KCTD2: variants seen among roughly 807,000 people sequenced by gnomAD.
KCTD2 encodes potassium channel tetramerization domain containing 2.
Under a neutral mutation model 27.9 loss-of-function variants are expected in KCTD2, and 18 were observed. The observed-to-expected ratio is 0.64, with a 90% CI of 0.45 to 0.96. KCTD2 has a LOEUF of 0.96. KCTD2 is among the 40% of genes least tolerant of loss of function. The pLI, the probability that KCTD2 is intolerant of heterozygous loss-of-function variation, is 0.00. For missense variants in KCTD2, 280 were observed against 348.0 expected (o/e 0.80, Z 1.56); for synonymous variants, 175 against 148.4 (o/e 1.18, Z -1.30).
chr17:75,047,233 TGGCGGC>T lies in KCTD2; in HGVS notation c.-12_-7del, dbSNP rs1219218189. On this transcript the variant is annotated 5_prime_UTR_variant, in exon 1 of 6. Transcript: ENST00000322444. ...CCCGGCTGCGCGCGGGCAGCAGCGG[TGGCGGC>T]GGCGGTCCAAGATGGCGGAACTGCA... 3.0e-6 allele frequency: 2 copies of T among 662,148 alleles called. No individual in the cohort carries two copies. Among genetic ancestry groups the T allele is most frequent in the African/African-American group, 4.0e-5 (2 of 49,836 alleles). The allele number at this position is 662,148 out of a possible 1,614,324, so 41.0% of individuals were successfully genotyped here.
In KCTD2 at chr17:75,063,648, T is replaced by G. The variant is rs567587449; in HGVS notation, c.*601T>G. 1 of 153,056 alleles carries G rather than the reference T, an allele frequency of 6.5e-6. No homozygotes were observed. The highest frequency in any genetic ancestry group is 2.1e-4 in the South Asian group (1 of 4,850). 9.5% of individuals were successfully genotyped at this position (153,056 alleles called of 1,614,324 possible). The stretch of plus-strand genomic sequence containing the variant: ...CAAGGAAAGGGAGGATGGGGTGTCC[T>G]TTGTTGTGGTTGGAGGTTGGTGATC... On this transcript the variant is annotated 3_prime_UTR_variant, in exon 6 of 6. Coordinates refer to ENST00000322444, the MANE Select transcript of KCTD2 (RefSeq NM_015353.3).
At chr17:75,039,072 A>AG (rs1478763372) in intron 3 of KCTD2, 1 of 1,613,758 alleles carries the variant, frequency 6.2e-7, no homozygotes. Flanking sequence ...ATCTGGAAAG[A>AG]GGGGGAATGT....
intron 3 of KCTD2, chr17:75,040,253 G>C: frequency 6.7e-7 from 1 of 1,503,090 alleles, no homozygotes; most frequent in Non-Finnish European, 9.2e-7. Flanking sequence ...GGAGCTCAAA[G>C]GGCTGGAAGC....
At chr17:75,036,795 G>A (rs550798208) in intron 3 of KCTD2, among the ~76,000 whole-genome samples, 1 of 152,230 alleles carries the variant, frequency 6.6e-6, no homozygotes, top group Admixed American at 6.5e-5. Context: ...AGTCTCGCAG[G>A]GGAAGGGTGT....
intron 3 of KCTD2, among the ~76,000 whole-genome samples, chr17:75,057,274 T>C (rs2073359605): frequency 6.6e-6 from 1 of 151,738 alleles, no homozygotes; most frequent in Non-Finnish European, 1.5e-5. Flanking sequence ...TAGAATAGTA[T>C]TTTTTGTAGG....
intron 4 of KCTD2, among the ~76,000 whole-genome samples, chr17:75,061,879 A>C (rs967577975): frequency 6.6e-6 from 1 of 151,810 alleles, no homozygotes; most frequent in Non-Finnish European, 1.5e-5. Context: ...GGGACTTCAG[A>C]GCTTGGGTGA....
rs183833894 is a variant in KCTD2 at position 75,061,127 on chromosome 17, C to T, written c.637-993C>T. ...TTAATTTCTCATCTTATTACTGTCC[C>T]GTGGGAAGACGGAGGGTGTTCCTAT... On this transcript the variant is annotated intron_variant, in intron 4 of 5. Coordinates refer to ENST00000322444, the MANE Select transcript of KCTD2 (RefSeq NM_015353.3). 2.4e-3 allele frequency among the ~76,000 whole-genome samples: 363 copies of T among 152,260 alleles called. 1 individual carries two copies. Among genetic ancestry groups the T allele is most frequent in the African/African-American group, 8.4e-3 (348 of 41,536 alleles).
At chr17:75,038,240 C>G (rs1317499141) in intron 3 of KCTD2, among the ~76,000 whole-genome samples, 1 of 151,758 alleles carries the variant, frequency 6.6e-6, no homozygotes, top group Non-Finnish European at 1.5e-5. Flanking sequence ...CAAGCTGAGG[C>G]CAAGATGCCT....
At chr17:75,059,667 C>G in intron 4 of KCTD2, 62 bp downstream of exon 4, 1 of 1,320,666 alleles carries the variant, frequency 7.6e-7, no homozygotes, top group Non-Finnish European at 1.1e-6. Flanking sequence ...GCTCTTCAAA[C>G]AATCAGTGTG....
intron 5 of KCTD2, 90 bp from the exon 6 acceptor site, chr17:75,062,926 CAT>C: frequency 7.4e-7 from 1 of 1,343,932 alleles, no homozygotes; most frequent in Non-Finnish European, 1.1e-6. Flanking sequence ...ACAGGACCAT[CAT>C]GCCACTCATC....
upstream of KCTD2, among the ~76,000 whole-genome samples, chr17:75,046,295 G>T (rs527328108): frequency 6.6e-6 from 1 of 152,174 alleles, no homozygotes; most frequent in Non-Finnish European, 1.5e-5. Flanking sequence ...CGTTGGCCAG[G>T]CTGGTCTCGA....
chr17:75,043,427 T>C (rs2073180365), upstream of KCTD2, among the ~76,000 whole-genome samples: 6 of 152,066 alleles, frequency 3.9e-5, no homozygotes, highest in South Asian at 1.0e-3. Flanking sequence ...GCCTGAGCAA[T>C]AGGGTGAAAC....
chr17:75,041,457 A>AAC (rs2073159565), intron 3 of KCTD2: 1 of 151,492 alleles, frequency 6.6e-6, no homozygotes, highest in African/African-American at 2.4e-5. Flanking sequence ...CAAAAAAAAA[A>AAC]AAAAAACAAA....
intron 3 of KCTD2, chr17:75,039,129 G>A: frequency 6.2e-7 from 1 of 1,611,958 alleles, no homozygotes; most frequent in East Asian, 2.2e-5. Flanking sequence ...TCCAAGGCAG[G>A]TTCCTGCCAC....
intron 3 of KCTD2, among the ~76,000 whole-genome samples, chr17:75,058,682 C>A (rs2073373724): frequency 6.6e-6 from 1 of 152,066 alleles, no homozygotes; most frequent in Non-Finnish European, 1.5e-5. Context: ...GCCTGTAATC[C>A]CAGCTATTCG....
At chr17:75,038,576 T>G (rs1197605033) in intron 3 of KCTD2, among the ~76,000 whole-genome samples, 1 of 152,240 alleles carries the variant, frequency 6.6e-6, no homozygotes, top group Non-Finnish European at 1.5e-5. Flanking sequence ...AGCACTCCCT[T>G]GGAACCAGGG....
chr17:75,039,605 G>C lies in KCTD2; in HGVS notation c.-259+4248G>C, dbSNP rs1364689650. On this transcript the variant is annotated intron_variant, in intron 3 of 7. Transcript: ENST00000581589. ...TGAGCACCTAGCCAGACTTCTCTCT[G>C]GTGGAGCCACTGAGTTCCATAGTTG... 5.7e-5 allele frequency: 18 copies of C among 318,322 alleles called. No homozygotes were observed. In the East Asian group the frequency reaches 1.2e-3, roughly 21 times the overall value. The allele number at this position is 318,322 out of a possible 1,614,324, so 19.7% of individuals were successfully genotyped here. A position where few individuals can be genotyped will look rare whatever the true frequency, so the allele number is the denominator to read the frequency against.
At chr17:75,056,429 T>C (rs2073351130) in intron 3 of KCTD2, among the ~76,000 whole-genome samples, 1 of 152,256 alleles carries the variant, frequency 6.6e-6, no homozygotes, top group Non-Finnish European at 1.5e-5. Context: ...TAATTTGAAA[T>C]GATTCAAGTC....
At chr17:75,034,469 G>A (rs1030470832) in intron 2 of KCTD2, among the ~76,000 whole-genome samples, 3 of 152,182 alleles carry the variant, frequency 2.0e-5, no homozygotes, top group African/African-American at 7.2e-5. Context: ...CCCTGGCTTA[G>A]GAGGCCAGTG....
Sources: allele counts gnomAD v4.1 joint callset (sites outside exome capture counted in the v4.1 genomes callset), GRCh38; gene constraint gnomAD v4.1.1; transcripts MANE v1.5; gene names NCBI Gene and HGNC (gene_info 2026-07-23, HGNC 2026-07-21).